The following OR56A3 variants were observed in gnomAD, a reference collection of about 807,000 sequenced individuals.
OR56A3 encodes olfactory receptor family 56 subfamily A member 3, also known as olfactory receptor 56A3.
A neutral mutation model predicts 17.5 loss-of-function variants in OR56A3; 23 were observed. The observed-to-expected ratio is 1.32, with a 90% CI of 0.95 to 1.87. OR56A3 has a LOEUF of 1.87. Among genes scored for constraint, OR56A3 ranks in the 40% most tolerant of loss-of-function variants. OR56A3 has a pLI of 0.00. For synonymous variants in OR56A3, 175 were observed against 150.6 expected (o/e 1.16, Z -1.19); for missense variants, 366 against 380.1 (o/e 0.96, Z 0.31).
At chr11:5,972,688 G>C in the OR56A3 span, among the ~76,000 whole-genome samples, 1 of 152,194 alleles carries the variant, frequency 6.6e-6, no homozygotes, top group Non-Finnish European at 1.5e-5. Context: ...GAGTGCGGTG[G>C]CGCGATTTCG....
At chr11:5,978,758 T>C in the OR56A3 span, among the ~76,000 whole-genome samples, 2 of 152,198 alleles carry the variant, frequency 1.3e-5, no homozygotes, top group African/African-American at 4.8e-5. Context: ...GTATGCTGAA[T>C]AGGAGTGGTA....
chr11:5,943,688 G>A (rs1277228013), intron 1 of OR56A3, among the ~76,000 whole-genome samples: 2 of 152,046 alleles, frequency 1.3e-5, no homozygotes, highest in Admixed American at 6.6e-5. Flanking sequence ...CGCCAATAAA[G>A]TTCAAGCTAA....
the OR56A3 span, among the ~76,000 whole-genome samples, chr11:6,015,732 G>A: frequency 6.6e-6 from 1 of 152,126 alleles, no homozygotes; most frequent in Non-Finnish European, 1.5e-5. Context: ...ACTTCCATGG[G>A]GCCTGTAGCA....
At chr11:6,003,002 C>T in the OR56A3 span, 4 of 1,614,002 alleles carry the variant, frequency 2.5e-6, no homozygotes, top group South Asian at 2.2e-5. Context: ...TGTAAAGTTT[C>T]CTGATCAATC....
At chr11:5,999,071 T>C in the OR56A3 span, among the ~76,000 whole-genome samples, 90 of 152,252 alleles carry the variant, frequency 5.9e-4, no homozygotes, top group Admixed American at 2.9e-3. Flanking sequence ...GCACCCAGAC[T>C]GAAATGGATA....
chr11:5,967,671 A>C, the OR56A3 span: 1 of 1,613,912 alleles, frequency 6.2e-7, no homozygotes, highest in Non-Finnish European at 8.5e-7. Context: ...CAGGATGGGG[A>C]CATCCGGAGG....
At chr11:5,959,885 T>A in the OR56A3 span, among the ~76,000 whole-genome samples, 2 of 152,202 alleles carry the variant, frequency 1.3e-5, no homozygotes, top group Admixed American at 1.3e-4. Context: ...CTTCTGAATA[T>A]GGATATTCAG....
At chr11:5,981,847 T>C in the OR56A3 span, among the ~76,000 whole-genome samples, 2 of 152,230 alleles carry the variant, frequency 1.3e-5, no homozygotes, top group Non-Finnish European at 2.9e-5. Flanking sequence ...TTTTATATTC[T>C]TTGGCGCCCT....
chr11:5,959,658 A>T, the OR56A3 span, among the ~76,000 whole-genome samples: 3 of 152,168 alleles, frequency 2.0e-5, no homozygotes, highest in Non-Finnish European at 4.4e-5. Context: ...TTTGCTGTAC[A>T]AAACTTTTTA....
chr11:6,018,386 TA>T, the OR56A3 span, among the ~76,000 whole-genome samples: 3 of 151,964 alleles, frequency 2.0e-5, no homozygotes, highest in Admixed American at 6.6e-5. Flanking sequence ...CACAGTAGAA[TA>T]AAACTAAAAC....
downstream of OR56A3, among the ~76,000 whole-genome samples, chr11:5,951,627 T>C: frequency 6.6e-6 from 1 of 152,098 alleles, no homozygotes; most frequent in Non-Finnish European, 1.5e-5. Flanking sequence ...AAGCAGATAT[T>C]TGAGAGGGCA....
chr11:5,991,631 C>G, the OR56A3 span, among the ~76,000 whole-genome samples: 1 of 152,100 alleles, frequency 6.6e-6, no homozygotes, highest in Admixed American at 6.5e-5. Context: ...GAGAAATAAC[C>G]CCTGTCACAA....
At chr11:6,017,406 A>T in the OR56A3 span, among the ~76,000 whole-genome samples, 1 of 152,246 alleles carries the variant, frequency 6.6e-6, no homozygotes, top group African/African-American at 2.4e-5. Context: ...AAGAATTCTA[A>T]AAATAGCAAG....
At chr11:5,973,343 T>C in the OR56A3 span, among the ~76,000 whole-genome samples, 4 of 152,184 alleles carry the variant, frequency 2.6e-5, no homozygotes, top group African/African-American at 7.2e-5. Flanking sequence ...CTGAGAAATA[T>C]ATATGAACTG....
downstream of OR56A3, among the ~76,000 whole-genome samples, chr11:5,953,308 A>G (rs1451412490): frequency 6.6e-6 from 1 of 152,126 alleles, no homozygotes; most frequent in Non-Finnish European, 1.5e-5. Flanking sequence ...AGCCTTGCCA[A>G]TACCTGTTGT....
chr11:5,963,627 CT>C, the OR56A3 span, among the ~76,000 whole-genome samples: 6 of 152,188 alleles, frequency 3.9e-5, no homozygotes, highest in Admixed American at 3.9e-4. Context: ...TCAAGATCCC[CT>C]TTTTGTCTGA....
the OR56A3 span, among the ~76,000 whole-genome samples, chr11:6,004,789 A>G: frequency 1.3e-5 from 2 of 152,196 alleles, no homozygotes; most frequent in African/African-American, 4.8e-5. Context: ...AATAATCTCA[A>G]GTATAGCTAC....
chr11:6,019,106 A>G, the OR56A3 span, among the ~76,000 whole-genome samples: 1 of 152,076 alleles, frequency 6.6e-6, no homozygotes, highest in African/African-American at 2.4e-5. Context: ...TAAAGAAGAA[A>G]TAACACCAAT....
the OR56A3 span, among the ~76,000 whole-genome samples, chr11:5,958,980 AT>A: frequency 6.6e-6 from 1 of 152,234 alleles, no homozygotes; most frequent in Non-Finnish European, 1.5e-5. Flanking sequence ...TTGTGGCTGA[AT>A]AGTATTTCAT....
Sources: gnomAD v4.1 joint callset for allele counts (sites outside exome capture counted in the v4.1 genomes callset) on GRCh38, gnomAD v4.1.1 for gene constraint, MANE v1.5 for transcripts, NCBI Gene and HGNC (gene_info 2026-07-23, HGNC 2026-07-21) for gene names.